Variants in MACROD2 observed in about 807,000 individuals in gnomAD.
MACROD2 encodes the protein mono-ADP ribosylhydrolase 2.
In MACROD2, 36 loss-of-function variants were observed where a neutral mutation model predicts 70.4. That is an observed-to-expected ratio of 0.51 (90% CI 0.39 to 0.68). The LOEUF is 0.68. Ranked by LOEUF, MACROD2 falls within the 30% of genes least tolerant of loss-of-function variation. MACROD2 has a pLI of 0.00. For missense variants in MACROD2, 496 were observed against 538.4 expected (o/e 0.92, Z 0.78); for synonymous variants, 172 against 178.8 (o/e 0.96, Z 0.30).
intron 3 of MACROD2, among the ~76,000 whole-genome samples, chr20:14,474,998 T>A (rs1271299018): frequency 6.6e-6 from 1 of 151,688 alleles, no homozygotes; most frequent in African/African-American, 2.4e-5. Flanking sequence ...GCCATTTTGT[T>A]ATTTTTTTTT....
At chr20:14,345,831 G>T (rs1320831783) in intron 3 of MACROD2, among the ~76,000 whole-genome samples, 2 of 151,966 alleles carry the variant, frequency 1.3e-5, no homozygotes, top group Non-Finnish European at 2.9e-5. Flanking sequence ...GCTGGGCAAG[G>T]TGGCTCACAC....
chr20:14,582,815 A>G (rs1372143345), intron 4 of MACROD2, among the ~76,000 whole-genome samples: 1 of 152,170 alleles, frequency 6.6e-6, no homozygotes, highest in East Asian at 1.9e-4. Context: ...TATATATGTG[A>G]CCATTATAAT....
intron 15 of MACROD2, among the ~76,000 whole-genome samples, chr20:16,027,828 C>T (rs749450463): frequency 5.9e-5 from 9 of 152,156 alleles, no homozygotes; most frequent in Non-Finnish European, 1.3e-4. Context: ...TAGAGACACC[C>T]AATTTGCATT....
At chr20:15,460,271 C>CTGTTTACT (rs1461164315) in intron 7 of MACROD2, among the ~76,000 whole-genome samples, 1 of 152,100 alleles carries the variant, frequency 6.6e-6, no homozygotes, top group East Asian at 1.9e-4. Context: ...CTATTATTTC[C>CTGTTTACT]TGTTTACTTC....
At position 15,278,864 on chromosome 20, in the gene MACROD2, G is replaced by C. The variant is rs1041667632; in HGVS notation, c.540+48803G>C. Among the ~76,000 whole-genome samples, 80 of 152,150 alleles carry C rather than the reference G, an allele frequency of 5.3e-4. 1 individual carries two copies. The highest frequency in any genetic ancestry group is 8.8e-5 in the Non-Finnish European group (6 of 68,028). On this transcript the variant is annotated intron_variant, in intron 6 of 17. Coordinates refer to ENST00000684519, the MANE Select transcript of MACROD2 (RefSeq NM_001351661.2). ...AGTGATTTTGATTCCAAAACACTTA[G>C]TGTGACAGTCCTTACCTCTGACCTT... is the stretch of plus-strand genomic sequence containing the variant.
chr20:14,891,009 T>C (rs138916550), intron 5 of MACROD2, among the ~76,000 whole-genome samples: 1,017 of 99,986 alleles, frequency 0.01, 12 homozygotes, highest in African/African-American at 0.038. Flanking sequence ...CTCCCTCCCT[T>C]CCTACCTTCC....
rs530466503 is a variant in MACROD2, at chr20:15,076,123, CTTG to C, written c.419-153814_419-153812del. 1.1e-3 allele frequency among the ~76,000 whole-genome samples: 171 copies of C among 148,892 alleles called. 1 individual carries two copies. In the South Asian group the frequency reaches 0.018, roughly 15 times the overall value. On this transcript the variant is annotated intron_variant, in intron 5 of 17. Transcript: ENST00000684519. ...TGTGAATAAATATATATGTTATATA[CTTG>C]TTATGATACTGCCTATACAATTTTG...
At chr20:14,694,552 G>T (rs2071099775) in intron 5 of MACROD2, among the ~76,000 whole-genome samples, 1 of 152,084 alleles carries the variant, frequency 6.6e-6, no homozygotes, top group Non-Finnish European at 1.5e-5. Context: ...TAAAATAAAA[G>T]TTTCTTATCT....
chr20:15,324,372 C>T (rs945438812), intron 6 of MACROD2, among the ~76,000 whole-genome samples: 1 of 152,156 alleles, frequency 6.6e-6, no homozygotes, highest in Non-Finnish European at 1.5e-5. Flanking sequence ...CATCTTATCT[C>T]CTCTCTGAAA....
chr20:15,283,012 C>T (rs2077459376), intron 6 of MACROD2, among the ~76,000 whole-genome samples: 1 of 152,166 alleles, frequency 6.6e-6, no homozygotes, highest in South Asian at 2.1e-4. Context: ...CACAGGGCAG[C>T]AGGACGAAAT....
chr20:15,020,335 G>A (rs1425597617), intron 5 of MACROD2, among the ~76,000 whole-genome samples: 1 of 152,108 alleles, frequency 6.6e-6, no homozygotes, highest in Admixed American at 6.5e-5. Flanking sequence ...ATAGGAGAGA[G>A]GAGTTAGAAG....
At chr20:14,013,441 T>A (rs1259010055) in intron 2 of MACROD2, among the ~76,000 whole-genome samples, 1 of 151,352 alleles carries the variant, frequency 6.6e-6, no homozygotes, top group Non-Finnish European at 1.5e-5. Context: ...CCCGGCTAAT[T>A]TTTTGTATTT....
intron 3 of MACROD2, among the ~76,000 whole-genome samples, chr20:14,366,919 G>T (rs935352631): frequency 1.8e-4 from 27 of 152,162 alleles, no homozygotes; most frequent in African/African-American, 6.3e-4. Context: ...ATTAGGAAAG[G>T]CTTGCTTCTG....
At chr20:15,843,775 A>G (rs947912763) in intron 8 of MACROD2, among the ~76,000 whole-genome samples, 2 of 152,204 alleles carry the variant, frequency 1.3e-5, no homozygotes, top group African/African-American at 4.8e-5. Flanking sequence ...AACTGAGAGG[A>G]AAGTCCAACC....
chr20:14,669,951 G>T (rs937446188), intron 4 of MACROD2, among the ~76,000 whole-genome samples: 2 of 151,902 alleles, frequency 1.3e-5, no homozygotes, highest in African/African-American at 2.4e-5. Flanking sequence ...TTCCTTCAAG[G>T]AATATAGTGT....
intron 2 of MACROD2, among the ~76,000 whole-genome samples, chr20:14,035,945 A>G (rs2148635813): frequency 6.6e-6 from 1 of 152,344 alleles, no homozygotes; most frequent in South Asian, 2.1e-4. Flanking sequence ...GATTGAGACC[A>G]TCCTGGCTAA....
chr20:15,683,491 G>A (rs2050187845), intron 8 of MACROD2, among the ~76,000 whole-genome samples: 2 of 152,138 alleles, frequency 1.3e-5, no homozygotes, highest in South Asian at 2.1e-4. Context: ...ACATAACCCT[G>A]TATTGGGAGC....
chr20:14,262,626 G>T (rs1392732827), intron 3 of MACROD2, among the ~76,000 whole-genome samples: 1 of 152,128 alleles, frequency 6.6e-6, no homozygotes, highest in African/African-American at 2.4e-5. Context: ...AAAGATGGAG[G>T]CAGAACTTTG....
intron 5 of MACROD2, among the ~76,000 whole-genome samples, chr20:14,879,488 T>A (rs2073587214): frequency 6.6e-6 from 1 of 152,098 alleles, no homozygotes; most frequent in African/African-American, 2.4e-5. Flanking sequence ...TCCAGTTAGA[T>A]TATGGAAGAG....
Sources: gnomAD v4.1 joint callset for allele counts (sites outside exome capture counted in the v4.1 genomes callset) on GRCh38, gnomAD v4.1.1 for gene constraint, MANE v1.5 for transcripts, NCBI Gene and HGNC (gene_info 2026-07-23, HGNC 2026-07-21) for gene names.